USP34: variants seen among roughly 807,000 people sequenced by gnomAD.
USP34 encodes ubiquitin carboxyl-terminal hydrolase 34.
Under a neutral mutation model 460.3 loss-of-function variants are expected in USP34, and 70 were observed. The observed-to-expected ratio is 0.15, with a 90% CI of 0.13 to 0.19. The LOEUF is 0.19. Ranked by LOEUF, USP34 falls within the 10% of genes least tolerant of loss-of-function variation. USP34 has a pLI of 1.00. For missense variants in USP34, 3,985 were observed against 4,236.2 expected (o/e 0.94, Z 1.65); for synonymous variants, 1,647 against 1,405.3 (o/e 1.17, Z -3.85).
intron 78 of USP34, 187 bp from the exon 79 acceptor site, chr2:61,189,256 G>GT: frequency 4.1e-6 from 2 of 489,020 alleles, no homozygotes; most frequent in Non-Finnish European, 6.4e-6. Context: ...CATTTCATTA[G>GT]TTGTTTTTTT....
intron 75 of USP34, among the ~76,000 whole-genome samples, chr2:61,197,674 T>A (rs1010822971): frequency 1.3e-5 from 2 of 152,212 alleles, no homozygotes; most frequent in African/African-American, 4.8e-5. Context: ...CACAGCTCAT[T>A]GTAACCTTGA....
intron 10 of USP34, among the ~76,000 whole-genome samples, chr2:61,356,475 G>GCACACACA (rs70963416): frequency 2.8e-4 from 36 of 128,332 alleles, no homozygotes; most frequent in African/African-American, 7.3e-4. Context: ...GGGTGAAAGC[G>GCACACACA]CACACACACA....
chr2:61,411,118 CT>C (rs1293039068), intron 2 of USP34, among the ~76,000 whole-genome samples: 4 of 152,114 alleles, frequency 2.6e-5, no homozygotes, highest in Admixed American at 6.6e-5. Flanking sequence ...ATGAAAGCAA[CT>C]CATGCCTGTA....
chr2:61,333,977 A>G lies in USP34; in HGVS notation c.2745-6T>C. Reference sequence around the variant, plus strand: ...GAAGTGAAATTACTACTGATCTGAAACAGCAGAAACATTCACAAAATAATT... The same window carrying G: ...GAAGTGAAATTACTACTGATCTGAAGCAGCAGAAACATTCACAAAATAATT... On this transcript the variant is annotated splice_polypyrimidine_tract_variant and splice_region_variant and intron_variant, in intron 18 of 79. Coordinates refer to ENST00000398571, the MANE Select transcript of USP34 (RefSeq NM_014709.4). The G allele has an allele frequency of 6.5e-7, 1 of 1,542,876 alleles. No individual in the cohort carries two copies. Among genetic ancestry groups the G allele is most frequent in the Non-Finnish European group, 8.7e-7 (1 of 1,146,656 alleles).
At chr2:61,261,779 T>A (rs1393959346) in intron 43 of USP34, among the ~76,000 whole-genome samples, 1 of 152,118 alleles carries the variant, frequency 6.6e-6, no homozygotes. Context: ...CCCACTTGAC[T>A]AGAGTACTTG....
chr2:61,223,112 G>C lies in USP34; in HGVS notation c.7697C>G (p.Thr2566Ser). Reference sequence around the variant, plus strand: ...ACACAGGCTGAAAATCAGATTACAAGTTTGTCTTATATTGATGCCATCACG... The same window carrying C: ...ACACAGGCTGAAAATCAGATTACAACTTTGTCTTATATTGATGCCATCACG... ...HIRDGINIRQ[T>S]CNLIFSLCRY... Residue 2566 changes from threonine (T) to serine (S), a missense_variant, in exon 64 of 80, where the codon ACT becomes AGT. This residue lies in a region of USP34 where 604 missense variants were observed against 684.8 expected (regional missense o/e 0.88). Transcript: ENST00000398571. 6.2e-7 allele frequency: 1 copy of C among 1,614,024 alleles called. No homozygotes were observed. Among genetic ancestry groups the C allele is most frequent in the South Asian group, 1.1e-5 (1 of 91,064 alleles).
At chr2:61,298,713 A>C (rs1394678445) in intron 29 of USP34, among the ~76,000 whole-genome samples, 1 of 151,886 alleles carries the variant, frequency 6.6e-6, no homozygotes, top group Non-Finnish European at 1.5e-5. Flanking sequence ...CAAACATCTA[A>C]ATTTTGTTTC....
chr2:61,208,635 G>A, intron 70 of USP34: 1 of 216,844 alleles, frequency 4.6e-6, no homozygotes, highest in Non-Finnish European at 9.1e-6. Context: ...CCCTACAAAT[G>A]AATAAAACTA....
At chr2:61,233,174 T>C (rs576202762) in intron 57 of USP34, among the ~76,000 whole-genome samples, 1 of 152,134 alleles carries the variant, frequency 6.6e-6, no homozygotes. Context: ...ATTAATAATA[T>C]GTGATATGAG....
intron 1 of USP34, among the ~76,000 whole-genome samples, chr2:61,424,371 G>A (rs1000248841): frequency 1.3e-5 from 2 of 152,134 alleles, no homozygotes; most frequent in Non-Finnish European, 2.9e-5. Context: ...CCTACACTAG[G>A]TCCATCATTG....
At position 61,256,991 on chromosome 2, in the gene USP34, T is replaced by C; in HGVS notation, c.6049-41A>G. On this transcript the variant is annotated intron_variant, in intron 46 of 79. Coordinates refer to ENST00000398571, the MANE Select transcript of USP34 (RefSeq NM_014709.4). ...AAAAAATTAATAAAAACTAGTAAAT[T>C]ATAATATAAATGAAAATATATTAAG... 3 of 1,419,698 alleles carry C rather than the reference T, an allele frequency of 2.1e-6. No homozygotes were observed. The African/African-American group carries it at 4.4e-5, about 21-fold the overall frequency. 87.9% of individuals were successfully genotyped at this position (1,419,698 alleles called of 1,614,324 possible). A position where few individuals can be genotyped will look rare whatever the true frequency, so the allele number is the denominator to read the frequency against.
At chr2:61,466,494 C>T (rs1461390133) in intron 1 of USP34, among the ~76,000 whole-genome samples, 1 of 152,136 alleles carries the variant, frequency 6.6e-6, no homozygotes, top group Non-Finnish European at 1.5e-5. Context: ...AAAGCAAATG[C>T]TAAATGTTTG....
intron 1 of USP34, among the ~76,000 whole-genome samples, chr2:61,439,432 T>G (rs1481649418): frequency 2.0e-5 from 3 of 152,102 alleles, no homozygotes; most frequent in Non-Finnish European, 4.4e-5. Flanking sequence ...CTTGGCACCA[T>G]TCTGTCCGGC....
At chr2:61,233,595 G>A (rs189518555) in intron 57 of USP34, among the ~76,000 whole-genome samples, 94 of 152,232 alleles carry the variant, frequency 6.2e-4, no homozygotes, top group Non-Finnish European at 1.0e-3. Flanking sequence ...GGAGGCAGAG[G>A]CAGGAGGATA....
chr2:61,389,394 A>G (rs1471188561), intron 5 of USP34, among the ~76,000 whole-genome samples: 1 of 152,234 alleles, frequency 6.6e-6, no homozygotes, highest in African/African-American at 2.4e-5. Flanking sequence ...TACAAGATAC[A>G]TCAGAGGGCA....
intron 10 of USP34, among the ~76,000 whole-genome samples, chr2:61,363,605 T>C (rs902119072): frequency 6.6e-6 from 1 of 152,308 alleles, no homozygotes; most frequent in African/African-American, 2.4e-5. Context: ...TGTCATGAGG[T>C]GATACAAATT....
chr2:61,380,184 T>C lies in USP34; in HGVS notation c.999A>G (p.Gly333=), dbSNP rs777944021. Residue 333 remains glycine (G), a synonymous_variant, in exon 7 of 80, where the codon GGA becomes GGG. Coordinates refer to ENST00000398571, the MANE Select transcript of USP34 (RefSeq NM_014709.4). ...TACAGCTTACTGTTATCTGACTCAA[T>C]CCAGCCAACCTCATAGTCAAAGTAG... ...MSPTLTMRLA[G]LSQITNQLHT... 6.2e-7 allele frequency: 1 copy of C among 1,612,886 alleles called. No homozygotes were observed. The highest frequency in any genetic ancestry group is 1.7e-5 in the Admixed American group (1 of 59,730).
intron 19 of USP34, 142 bp downstream of exon 19, chr2:61,333,739 CA>C (rs1443296786): frequency 2.6e-5 from 12 of 469,244 alleles, no homozygotes; most frequent in African/African-American, 2.2e-4. Flanking sequence ...GGGTAAGTGG[CA>C]GAAAAATCTA....
At chr2:61,316,130 T>C (rs1390235057) in intron 23 of USP34, among the ~76,000 whole-genome samples, 2 of 151,492 alleles carry the variant, frequency 1.3e-5, no homozygotes, top group Admixed American at 1.3e-4. Flanking sequence ...TGGTTGAACC[T>C]GGGAGGCGGA....
Sources: gnomAD v4.1 joint callset for allele counts (sites outside exome capture counted in the v4.1 genomes callset) on GRCh38, gnomAD v4.1.1 for gene constraint, gnomAD v4.1.1 regional missense constraint, MANE v1.5 for transcripts, NCBI Gene and HGNC (gene_info 2026-07-23, HGNC 2026-07-21) for gene names.